Variants in PDXDC1 observed in about 807,000 individuals in gnomAD.
The protein encoded by PDXDC1 is pyridoxal dependent decarboxylase domain containing 1.
PDXDC1 carries 42 observed loss-of-function variants against 100.1 expected under a neutral mutation model. The observed-to-expected ratio is 0.42, with a 90% CI of 0.33 to 0.54. PDXDC1 has a LOEUF of 0.54. Ranked by LOEUF, PDXDC1 falls within the 20% of genes least tolerant of loss-of-function variation. The pLI is 0.10. For missense variants in PDXDC1, 636 were observed against 979.2 expected, an observed-to-expected ratio of 0.65 and a Z score of 4.68; for synonymous variants, 260 against 371.7, an observed-to-expected ratio of 0.70 and a Z score of 3.46.
intron 16 of PDXDC1, among the ~76,000 whole-genome samples, chr16:15,070,939 A>ATG (rs1280662041): frequency 2.6e-5 from 4 of 152,162 alleles, no homozygotes; most frequent in Non-Finnish European, 5.9e-5. Context: ...TTTTATATAT[A>ATG]AAAAAGGAGA....
At chr16:15,070,747 G>A (rs1028617655) in intron 16 of PDXDC1, among the ~76,000 whole-genome samples, 1 of 151,802 alleles carries the variant, frequency 6.6e-6, no homozygotes. Flanking sequence ...TCCTAGATAG[G>A]TCTATTACCT....
At chr16:15,013,946 C>T (rs1285117595) in intron 8 of PDXDC1, among the ~76,000 whole-genome samples, 2 of 151,796 alleles carry the variant, frequency 1.3e-5, no homozygotes, top group African/African-American at 2.4e-5. Flanking sequence ...GTGGCTCATG[C>T]ATGTAATTCC....
intron 16 of PDXDC1, among the ~76,000 whole-genome samples, chr16:15,064,616 A>C (rs1228452887): frequency 6.6e-6 from 1 of 152,222 alleles, no homozygotes; most frequent in Non-Finnish European, 1.5e-5. Context: ...CATTAACCTT[A>C]CATGTTTAAA....
In PDXDC1 at chr16:15,135,780, C is replaced by A; in HGVS notation, c.1400-3099C>A. The stretch of plus-strand genomic sequence containing the variant: ...TCTGACCACACGCGGTATGAGCCAC[C>A]CTCAGTGATGGGCACCAGGCGCTCA... On this transcript the variant is annotated intron_variant, in intron 16 of 16. Coordinates refer to the PDXDC1 transcript ENST00000535621. 2.5e-6 allele frequency: 4 copies of A among 1,592,674 alleles called. No individual in the cohort carries two copies. In the South Asian group the frequency reaches 3.3e-5, roughly 13 times the overall value.
chr16:15,010,955 T>C (rs543302532), intron 8 of PDXDC1, among the ~76,000 whole-genome samples: 2 of 152,414 alleles, frequency 1.3e-5, no homozygotes, highest in African/African-American at 2.4e-5. Context: ...AAGAACGATA[T>C]GCCATACACA....
At chr16:15,150,113 G>A in the PDXDC1 span, among the ~76,000 whole-genome samples, 2 of 152,102 alleles carry the variant, frequency 1.3e-5, no homozygotes, top group African/African-American at 4.8e-5. Flanking sequence ...GGGAGGCTGA[G>A]GCGGGTGGAT....
intron 16 of PDXDC1, among the ~76,000 whole-genome samples, chr16:15,072,226 TCTA>T (rs1036857604): frequency 1.2e-4 from 16 of 138,958 alleles, no homozygotes; most frequent in Non-Finnish European, 2.5e-4. Flanking sequence ...GGAAAAGCCT[TCTA>T]CATTCTTTCC....
intron 1 of PDXDC1, among the ~76,000 whole-genome samples, chr16:14,975,784 C>A (rs1297265769): frequency 3.3e-5 from 5 of 152,290 alleles, no homozygotes; most frequent in African/African-American, 1.2e-4. Context: ...CCGGGAACTG[C>A]GTGTTTAACC....
intron 16 of PDXDC1, among the ~76,000 whole-genome samples, chr16:15,109,896 C>G (rs2151868288): frequency 7.1e-6 from 1 of 140,934 alleles, no homozygotes; most frequent in Middle Eastern, 3.5e-3. Context: ...GCTCACGCCT[C>G]TAATCCCAGC....
At chr16:15,108,301 T>G (rs563779457) in intron 16 of PDXDC1, 1 of 940,582 alleles carries the variant, frequency 1.1e-6, no homozygotes, top group South Asian at 5.0e-5. Context: ...GAAGGATGTA[T>G]AAAATTCCCA....
intron 16 of PDXDC1, among the ~76,000 whole-genome samples, chr16:15,075,296 G>A (rs969938537): frequency 3.3e-5 from 5 of 149,432 alleles, no homozygotes; most frequent in Middle Eastern, 3.6e-3. Context: ...AATGGACCAC[G>A]CACAGTGGCT....
chr16:15,141,549 T>A (rs542842804), downstream of PDXDC1, among the ~76,000 whole-genome samples: 1 of 152,226 alleles, frequency 6.6e-6, no homozygotes, highest in East Asian at 1.9e-4. Context: ...TGCCCTGGGC[T>A]CCGGGAGGGG....
chr16:15,044,299 C>T lies in PDXDC1; in HGVS notation c.1399+14243C>T, dbSNP rs569591540. 4 of 1,466,054 alleles carry T rather than the reference C, an allele frequency of 2.7e-6. No homozygotes were observed. In the South Asian group the frequency reaches 3.4e-5, roughly 12 times the overall value. 90.8% of individuals were successfully genotyped at this position (1,466,054 alleles called of 1,614,324 possible). On this transcript the variant is annotated intron_variant, in intron 16 of 16. Transcript: ENST00000535621. Reference sequence around the variant, plus strand: ...AGCAAATATGGGTACATATTTATGTCCAATTTGGGGGAAAGAAAAAAAAAA... The same window carrying T: ...AGCAAATATGGGTACATATTTATGTTCAATTTGGGGGAAAGAAAAAAAAAA...
At chr16:15,039,355 A>G (rs1402172668), downstream of PDXDC1, among the ~76,000 whole-genome samples, 5 of 152,196 alleles carry the variant, frequency 3.3e-5, no homozygotes, top group Non-Finnish European at 7.3e-5. Context: ...CATAAATGAG[A>G]AGATTTCTTT....
chr16:15,079,811 G>A (rs180780313), intron 16 of PDXDC1, among the ~76,000 whole-genome samples: 45 of 152,244 alleles, frequency 3.0e-4, no homozygotes, highest in African/African-American at 1.0e-3. Flanking sequence ...TGGCCAGGCT[G>A]GTCTCGAACT....
At chr16:15,071,685 T>C (rs1217962720) in intron 16 of PDXDC1, among the ~76,000 whole-genome samples, 1 of 152,108 alleles carries the variant, frequency 6.6e-6, no homozygotes, top group Non-Finnish European at 1.5e-5. Context: ...GGAGAATCGC[T>C]TGAACCCAGG....
At chr16:15,046,719 AAAAAAG>A (rs1774629641) in intron 16 of PDXDC1, among the ~76,000 whole-genome samples, 1 of 151,072 alleles carries the variant, frequency 6.6e-6, no homozygotes, top group Non-Finnish European at 1.5e-5. Context: ...AAAAAAAAAA[AAAAAAG>A]CTAGCTGGGT....
chr16:15,094,280 T>C (rs1435516390), intron 16 of PDXDC1: 1 of 1,434,590 alleles, frequency 7.0e-7, no homozygotes, highest in Non-Finnish European at 9.6e-7. Flanking sequence ...GATGCCCAGC[T>C]CCTTCCAGCC....
At chr16:15,088,393 G>A (rs1221168733) in intron 16 of PDXDC1, among the ~76,000 whole-genome samples, 1 of 152,078 alleles carries the variant, frequency 6.6e-6, no homozygotes, top group Admixed American at 6.6e-5. Context: ...CTTGAGCCTG[G>A]GAGGTTGAGG....
Sources: allele counts gnomAD v4.1 joint callset (sites outside exome capture counted in the v4.1 genomes callset), GRCh38; gene constraint gnomAD v4.1.1; transcripts MANE v1.5; gene names NCBI Gene and HGNC (gene_info 2026-07-23, HGNC 2026-07-21).